ITGBL1: variants seen among roughly 807,000 people sequenced by gnomAD.
The protein encoded by ITGBL1 is integrin beta-like protein 1.
In ITGBL1, 51 loss-of-function variants were observed where a neutral mutation model predicts 68.5. That is an observed-to-expected ratio of 0.74 (90% confidence interval 0.59 to 0.94). The LOEUF is 0.94. ITGBL1 is among the 40% of genes least tolerant of loss of function. The pLI is 0.00. For missense variants in ITGBL1, 649 were observed against 647.4 expected (o/e 1.00, Z -0.03); for synonymous variants, 209 against 227.3 (o/e 0.92, Z 0.72).
At chr13:101,602,653 C>G (rs1376392846) in intron 7 of ITGBL1, among the ~76,000 whole-genome samples, 1 of 151,842 alleles carries the variant, frequency 6.6e-6, no homozygotes, top group African/African-American at 2.4e-5. Flanking sequence ...AATTATGCAG[C>G]CATCACCACT....
chr13:101,514,638 A>T (rs2049167228), intron 2 of ITGBL1, among the ~76,000 whole-genome samples: 1 of 151,956 alleles, frequency 6.6e-6, no homozygotes, highest in Admixed American at 6.6e-5. Flanking sequence ...AAATTTCCAT[A>T]TTTCTCCCCC....
At chr13:101,583,163 T>G in intron 5 of ITGBL1, 53 bp from the exon 6 acceptor site, 2 of 1,553,170 alleles carry the variant, frequency 1.3e-6, no homozygotes, top group Non-Finnish European at 8.9e-7. Context: ...TGAAATGCTT[T>G]CTTTCATGGT....
At chr13:101,649,443 A>G (rs1216126536) in intron 7 of ITGBL1, among the ~76,000 whole-genome samples, 1 of 152,214 alleles carries the variant, frequency 6.6e-6, no homozygotes, top group Non-Finnish European at 1.5e-5. Context: ...CAATGTAAGA[A>G]GGGTTCCTAA....
chr13:101,481,185 T>C (rs2048618906), intron 2 of ITGBL1, among the ~76,000 whole-genome samples: 1 of 147,676 alleles, frequency 6.8e-6, no homozygotes, highest in Non-Finnish European at 1.5e-5. Context: ...TATATACATA[T>C]GAGAGAGAGA....
At chr13:101,581,580 G>A (rs2050458549) in intron 5 of ITGBL1, among the ~76,000 whole-genome samples, 1 of 151,992 alleles carries the variant, frequency 6.6e-6, no homozygotes, top group Non-Finnish European at 1.5e-5. Flanking sequence ...CATGATATAT[G>A]TTGTTTATCT....
intron 8 of ITGBL1, among the ~76,000 whole-genome samples, chr13:101,697,244 T>C (rs558071504): frequency 1.3e-5 from 2 of 152,180 alleles, no homozygotes; most frequent in Admixed American, 6.6e-5. Context: ...TAAAAAAATA[T>C]ATAGAGAGAA....
intron 7 of ITGBL1, among the ~76,000 whole-genome samples, chr13:101,631,150 C>A (rs747437019): frequency 6.6e-6 from 1 of 152,176 alleles, no homozygotes; most frequent in Admixed American, 6.5e-5. Flanking sequence ...GATCCTGGAA[C>A]TTTTCTCCCC....
At chr13:101,566,485 T>A (rs1340871216) in intron 2 of ITGBL1, among the ~76,000 whole-genome samples, 2 of 152,178 alleles carry the variant, frequency 1.3e-5, no homozygotes, top group African/African-American at 4.8e-5. Context: ...TGCAAGGTTT[T>A]GGTTATAAAA....
At position 101,592,436 on chromosome 13, in the gene ITGBL1, G is replaced by A. The variant is rs80208207; in HGVS notation, c.869-5717G>A. Among the ~76,000 whole-genome samples, 1,378 of 152,094 alleles carry A rather than the reference G, an allele frequency of 9.1e-3. 22 individuals are homozygous for A. Among genetic ancestry groups the A allele is most frequent in the African/African-American group, 0.031 (1,302 of 41,506 alleles). Reference sequence around the variant, plus strand: ...GTCGTGTCAAAAATAATATACTTAGGAATAAAATTAACCAAGGATGTGAAA... The same window carrying A: ...GTCGTGTCAAAAATAATATACTTAGAAATAAAATTAACCAAGGATGTGAAA... On this transcript the variant is annotated intron_variant, in intron 6 of 10. Transcript: ENST00000376180.
At chr13:101,650,293 T>C (rs762525462) in intron 7 of ITGBL1, among the ~76,000 whole-genome samples, 3 of 152,226 alleles carry the variant, frequency 2.0e-5, no homozygotes, top group Non-Finnish European at 4.4e-5. Flanking sequence ...AGTTTGTGTT[T>C]AAATGAACTA....
intron 3 of ITGBL1, among the ~76,000 whole-genome samples, chr13:101,572,935 A>G (rs1566737386): frequency 6.6e-6 from 1 of 152,092 alleles, no homozygotes; most frequent in Non-Finnish European, 1.5e-5. Flanking sequence ...GTATAGGTTT[A>G]TATTTGTAGT....
intron 2 of ITGBL1, among the ~76,000 whole-genome samples, chr13:101,523,958 T>C (rs889510223): frequency 2.0e-5 from 3 of 152,130 alleles, no homozygotes; most frequent in African/African-American, 7.2e-5. Context: ...TCTGTTTTTG[T>C]AGAGGCAAAA....
intron 5 of ITGBL1, 148 bp from the exon 6 acceptor site, chr13:101,583,068 G>A (rs1281382418): frequency 2.9e-6 from 2 of 686,810 alleles, no homozygotes; most frequent in South Asian, 3.7e-5. Context: ...AATATTAGAT[G>A]GTGTTTTTCC....
At position 101,697,929 on chromosome 13, in the gene ITGBL1, A is replaced by G. The variant is rs535848795; in HGVS notation, c.1132+5228A>G. Among the ~76,000 whole-genome samples the G allele has an allele frequency of 2.0e-5, 3 of 152,330 alleles. No homozygotes were observed. The East Asian group carries it at 5.8e-4, about 29-fold the overall frequency. ...CGTTTTGCAAGGAAGTTGGACTCAC[A>G]CAAATCAGCAGCTCTGTACCTCGGG... On this transcript the variant is annotated intron_variant, in intron 8 of 10. Transcript: ENST00000376180.
At chr13:101,581,580 GTTGT>G (rs1400479656) in intron 5 of ITGBL1, among the ~76,000 whole-genome samples, 2 of 151,992 alleles carry the variant, frequency 1.3e-5, no homozygotes, top group Non-Finnish European at 2.9e-5. Flanking sequence ...CATGATATAT[GTTGT>G]TTATCTTTCC....
intron 2 of ITGBL1, among the ~76,000 whole-genome samples, chr13:101,495,279 G>A (rs1212106275): frequency 6.6e-6 from 1 of 152,226 alleles, no homozygotes; most frequent in Non-Finnish European, 1.5e-5. Context: ...TGATGTGGAA[G>A]TGATGGAAAT....
intron 2 of ITGBL1, among the ~76,000 whole-genome samples, chr13:101,511,928 C>T (rs2049121972): frequency 6.6e-6 from 1 of 152,106 alleles, no homozygotes; most frequent in Non-Finnish European, 1.5e-5. Context: ...CCAGAAGTCT[C>T]CTTGATGGCA....
intron 7 of ITGBL1, among the ~76,000 whole-genome samples, chr13:101,615,800 T>G (rs1296905148): frequency 6.6e-6 from 1 of 151,882 alleles, no homozygotes; most frequent in Non-Finnish European, 1.5e-5. Flanking sequence ...GTAATTATAA[T>G]AATAATAAAA....
intron 2 of ITGBL1, among the ~76,000 whole-genome samples, chr13:101,504,436 G>A (rs185178831): frequency 2.6e-5 from 4 of 152,116 alleles, no homozygotes; most frequent in Admixed American, 1.3e-4. Context: ...TAATAAGAGT[G>A]CATCATAACC....
Sources: allele counts gnomAD v4.1 joint callset (sites outside exome capture counted in the v4.1 genomes callset), GRCh38; gene constraint gnomAD v4.1.1; transcripts MANE v1.5; gene names NCBI Gene and HGNC (gene_info 2026-07-23, HGNC 2026-07-21).